Variants in COX7A2L observed in about 807,000 individuals in gnomAD.
COX7A2L encodes cytochrome c oxidase subunit 7A2 like.
COX7A2L carries 18 observed loss-of-function variants against 14.2 expected under a neutral mutation model. The ratio of observed to expected loss-of-function variants is 1.27; its 90% CI spans 0.88 to 1.88. The LOEUF (loss-of-function observed/expected upper bound fraction) is 1.88, where lower values mean the gene tolerates loss of function less well. COX7A2L is among the 40% of genes most tolerant of loss of function. The pLI, the probability that COX7A2L is intolerant of heterozygous loss-of-function variation, is 0.00. For missense variants in COX7A2L, 179 were observed against 138.8 expected (o/e 1.29, Z -1.46); for synonymous variants, 65 against 57.4 (o/e 1.13, Z -0.60).
intron 1 of COX7A2L, among the ~76,000 whole-genome samples, chr2:42,353,589 A>C: frequency 6.6e-6 from 1 of 152,204 alleles, no homozygotes; most frequent in South Asian, 2.1e-4. Context: ...GCAACCAGTA[A>C]AACATTTATA....
chr2:42,357,654 C>G (rs1670868164), intron 1 of COX7A2L, among the ~76,000 whole-genome samples: 1 of 152,090 alleles, frequency 6.6e-6, no homozygotes, highest in Non-Finnish European at 1.5e-5. Flanking sequence ...CCACCTACCT[C>G]CATGTCCTTC....
At chr2:42,354,526 C>T (rs1303912277) in intron 1 of COX7A2L, among the ~76,000 whole-genome samples, 2 of 152,288 alleles carry the variant, frequency 1.3e-5, no homozygotes, top group Non-Finnish European at 2.9e-5. Flanking sequence ...AGTGATCAGT[C>T]CGCTGATTCT....
downstream of COX7A2L, among the ~76,000 whole-genome samples, chr2:42,347,311 T>A (rs1225167573): frequency 4.7e-4 from 70 of 150,276 alleles, 1 homozygote; most frequent in Admixed American, 4.6e-4. Flanking sequence ...CAGCACCTTT[T>A]TTTTTTTTTT....
intron 2 of COX7A2L, chr2:42,352,775 C>T (rs775214604): frequency 2.1e-5 from 4 of 187,448 alleles, no homozygotes; most frequent in African/African-American, 4.7e-5. Flanking sequence ...CCCGTAAGCA[C>T]CTCCTCTACT....
At chr2:42,367,639 G>A (rs1242183659) in intron 1 of COX7A2L, among the ~76,000 whole-genome samples, 1 of 152,256 alleles carries the variant, frequency 6.6e-6, no homozygotes, top group African/African-American at 2.4e-5. Context: ...CACTGGCCCT[G>A]GCCCTGGAAC....
rs930375395 is a variant in COX7A2L at position 42,340,863 on chromosome 2, A to G, written c.193-6994T>C. Among the ~76,000 whole-genome samples the G allele has an allele frequency of 1.2e-4, 18 of 152,316 alleles. No homozygotes were observed. The South Asian group carries it at 1.4e-3, about 12-fold the overall frequency. On this transcript the variant is annotated intron_variant, in intron 2 of 2. Coordinates refer to the COX7A2L transcript ENST00000468711. Reference sequence around the variant, plus strand: ...GCCTTTCTCCATGTCTCCACTGCGCAGCACACTGCAGAAGGAATGATTTGT... The same window carrying G: ...GCCTTTCTCCATGTCTCCACTGCGCGGCACACTGCAGAAGGAATGATTTGT...
At position 42,342,875 on chromosome 2, in the gene COX7A2L, G is replaced by A. The variant is rs949755948; in HGVS notation, c.193-9006C>T. On this transcript the variant is annotated intron_variant, in intron 2 of 2. Coordinates refer to the COX7A2L transcript ENST00000468711. This position sits in a 1 kb window ranked among gnomAD's most constrained non-coding sequence, Gnocchi z 4.9. ...TGGGACCCTGGGCAAGCAGCATCTG[G>A]GCCCCCCACCTGCCCATCCCAACAC... Among the ~76,000 whole-genome samples the A allele has an allele frequency of 6.6e-6, 1 of 152,124 alleles. No homozygotes were observed. The highest frequency in any genetic ancestry group is 1.5e-5 in the Non-Finnish European group (1 of 68,024).
At chr2:42,353,844 G>A (rs968782191) in intron 1 of COX7A2L, among the ~76,000 whole-genome samples, 21 of 152,124 alleles carry the variant, frequency 1.4e-4, no homozygotes, top group African/African-American at 4.1e-4. Context: ...AAAACTTTTC[G>A]AAATGAACTT....
At chr2:42,355,163 C>T (rs1208728875) in intron 1 of COX7A2L, among the ~76,000 whole-genome samples, 3 of 152,102 alleles carry the variant, frequency 2.0e-5, no homozygotes, top group Non-Finnish European at 2.9e-5. Context: ...AAGATGTTGG[C>T]CTACATTTAG....
intron 2 of COX7A2L, 94 bp from the exon 3 acceptor site, chr2:42,351,453 A>C: frequency 1.4e-6 from 2 of 1,417,032 alleles, no homozygotes; most frequent in African/African-American, 2.8e-5. Flanking sequence ...CTCGGTAAGT[A>C]ATTCATCAAC....
chr2:42,343,437 A>G (rs547753072), intron 2 of COX7A2L, among the ~76,000 whole-genome samples: 11 of 152,206 alleles, frequency 7.2e-5, no homozygotes, highest in Non-Finnish European at 1.3e-4. Flanking sequence ...ACAGAGAATT[A>G]ATGCAACTCC....
chr2:42,362,422 T>A (rs1363773296), upstream of COX7A2L, among the ~76,000 whole-genome samples: 1 of 152,192 alleles, frequency 6.6e-6, no homozygotes, highest in East Asian at 1.9e-4. Context: ...TGCCCTAAAC[T>A]CATTTAATCT....
At chr2:42,365,236 A>G (rs1671141909), upstream of COX7A2L, among the ~76,000 whole-genome samples, 1 of 152,218 alleles carries the variant, frequency 6.6e-6, no homozygotes, top group Non-Finnish European at 1.5e-5. Context: ...GTTTCTCATC[A>G]TTGAGGATTC....
chr2:42,355,872 C>T (rs1325392713), intron 1 of COX7A2L, among the ~76,000 whole-genome samples: 3 of 151,662 alleles, frequency 2.0e-5, no homozygotes, highest in Non-Finnish European at 4.4e-5. Flanking sequence ...ACTACAGGTG[C>T]ACGCCACCAC....
intron 1 of COX7A2L, chr2:42,360,113 T>C (rs1033757509): frequency 1.3e-5 from 2 of 152,390 alleles, no homozygotes; most frequent in Middle Eastern, 3.4e-3. Context: ...GAGTATCCTT[T>C]ACACCTCATC....
intron 2 of COX7A2L, 93 bp downstream of exon 2, chr2:42,353,119 G>A: frequency 2.1e-6 from 3 of 1,431,998 alleles, no homozygotes; most frequent in Non-Finnish European, 2.9e-6. Context: ...GAAGGAGGGT[G>A]GGTAGTAAAC....
At chr2:42,361,380 A>G, upstream of COX7A2L, 1 of 510,672 alleles carries the variant, frequency 2.0e-6, no homozygotes, top group Non-Finnish European at 3.5e-6. Context: ...CAGCTCTAAG[A>G]GAGCACGCAA....
chr2:42,338,537 G>A lies in COX7A2L; in HGVS notation c.193-4668C>T, dbSNP rs2103871968. Among the ~76,000 whole-genome samples, 1 of 152,250 alleles carries A rather than the reference G, an allele frequency of 6.6e-6. No individual in the cohort carries two copies. Among genetic ancestry groups the A allele is most frequent in the Non-Finnish European group, 1.5e-5 (1 of 68,022 alleles). ...CCTCACCAGAATCATTAGCAGAAAC[G>A]TTTGCCAGGCTTGGACATTTCCATG... On this transcript the variant is annotated intron_variant, in intron 2 of 2. Coordinates refer to the COX7A2L transcript ENST00000468711. This position sits in a 1 kb window ranked among gnomAD's most constrained non-coding sequence, Gnocchi z 4.4.
At position 42,342,103 on chromosome 2, in the gene COX7A2L, G is replaced by C. The variant is rs1377882748; in HGVS notation, c.193-8234C>G. On this transcript the variant is annotated intron_variant, in intron 2 of 2. Transcript: ENST00000468711. This position sits in a 1 kb window ranked among gnomAD's most constrained non-coding sequence, Gnocchi z 4.9. Reference sequence around the variant, plus strand: ...CCTTCCCCACCCTCTCTAGTGGCGAGGCACTTCCGGAACTGGTGCCAGGTC... The same window carrying C: ...CCTTCCCCACCCTCTCTAGTGGCGACGCACTTCCGGAACTGGTGCCAGGTC... Among the ~76,000 whole-genome samples the C allele has an allele frequency of 6.6e-6, 1 of 152,180 alleles. No homozygotes were observed. The highest frequency in any genetic ancestry group is 1.5e-5 in the Non-Finnish European group (1 of 68,038).
Sources: gnomAD v4.1 joint callset for allele counts (sites outside exome capture counted in the v4.1 genomes callset) on GRCh38, gnomAD v4.1.1 for gene constraint, Gnocchi (gnomAD v3.1) non-coding constraint, MANE v1.5 for transcripts, NCBI Gene and HGNC (gene_info 2026-07-23, HGNC 2026-07-21) for gene names.